GRID2: variants seen among roughly 807,000 people sequenced by gnomAD.
GRID2 encodes the protein glutamate ionotropic receptor delta type subunit 2, also known as glutamate receptor ionotropic, delta-2.
Under a neutral mutation model 114.8 loss-of-function variants are expected in GRID2, and 33 were observed. The ratio of observed to expected loss-of-function variants is 0.29; its 90% confidence interval spans 0.22 to 0.38. The LOEUF (loss-of-function observed/expected upper bound fraction) is 0.38, where lower values mean the gene tolerates loss of function less well. Ranked by LOEUF, GRID2 falls within the 10% of genes least tolerant of loss-of-function variation. GRID2 has a pLI of 1.00. For synonymous variants in GRID2, 505 were observed against 449.9 expected (o/e 1.12, Z -1.55); for missense variants, 1,184 against 1,257.7 (o/e 0.94, Z 0.89).
intron 14 of GRID2, among the ~76,000 whole-genome samples, chr4:93,698,293 A>T (rs943118952): frequency 2.0e-5 from 3 of 152,094 alleles, no homozygotes; most frequent in African/African-American, 7.2e-5. Flanking sequence ...GCTAACAAGC[A>T]TGTACAAGTT....
chr4:92,600,329 A>T (rs1729167010), intron 2 of GRID2, among the ~76,000 whole-genome samples: 1 of 151,724 alleles, frequency 6.6e-6, no homozygotes, highest in Non-Finnish European at 1.5e-5. Context: ...GGGTAACTAG[A>T]GGATTAAAAA....
chr4:93,528,776 C>T (rs1731172516), intron 13 of GRID2, among the ~76,000 whole-genome samples: 1 of 152,102 alleles, frequency 6.6e-6, no homozygotes, highest in South Asian at 2.1e-4. Context: ...ATGTATAGTT[C>T]AACAGAACAA....
intron 2 of GRID2, among the ~76,000 whole-genome samples, chr4:93,036,302 A>G (rs1378502119): frequency 6.6e-6 from 1 of 152,122 alleles, no homozygotes; most frequent in Non-Finnish European, 1.5e-5. Context: ...TCCAACTTAT[A>G]TAGTATTAAA....
intron 8 of GRID2, among the ~76,000 whole-genome samples, chr4:93,316,000 T>C (rs1756543826): frequency 1.3e-5 from 2 of 152,078 alleles, no homozygotes; most frequent in African/African-American, 4.8e-5. Flanking sequence ...ACTAAGAATG[T>C]AGTTTTTGAT....
In GRID2 at chr4:93,701,236, T is replaced by TC. The variant is rs537572220; in HGVS notation, c.2361-67974_2361-67973insC. On this transcript the variant is annotated intron_variant, in intron 14 of 15. Transcript: ENST00000282020. The stretch of plus-strand genomic sequence containing the variant: ...TACAGGAAAATTGGAAAAGGAATGA[T>TC]TTCAAATCAAGAACTTTATTTCTAA... Among the ~76,000 whole-genome samples the TC allele has an allele frequency of 3.2e-3, 485 of 152,290 alleles. 3 individuals carry two copies. Among genetic ancestry groups the TC allele is most frequent in the Non-Finnish European group, 4.3e-3 (290 of 68,012 alleles).
At chr4:92,650,184 G>A (rs560339986) in intron 2 of GRID2, among the ~76,000 whole-genome samples, 2 of 152,068 alleles carry the variant, frequency 1.3e-5, no homozygotes, top group African/African-American at 4.8e-5. Context: ...AAAATAAGGA[G>A]GAAATATTCA....
At chr4:92,305,710 G>A (rs935114677) in intron 1 of GRID2, among the ~76,000 whole-genome samples, 2 of 152,124 alleles carry the variant, frequency 1.3e-5, no homozygotes, top group African/African-American at 4.8e-5. Context: ...CGGGCGGGGG[G>A]CTGCGCGTCA....
At chr4:93,726,655 T>G (rs951468446) in intron 14 of GRID2, among the ~76,000 whole-genome samples, 2 of 152,190 alleles carry the variant, frequency 1.3e-5, no homozygotes, top group African/African-American at 2.4e-5. Flanking sequence ...TCCTCTTTTA[T>G]CTCATTGAGC....
chr4:93,178,410 T>TTTC (rs1491139901), intron 4 of GRID2, among the ~76,000 whole-genome samples: 1 of 135,118 alleles, frequency 7.4e-6, no homozygotes, highest in African/African-American at 3.2e-5. Context: ...TTTTTTTTTT[T>TTTC]CCAGAGAGAG....
chr4:92,905,636 AT>A (rs1297155420), intron 2 of GRID2, among the ~76,000 whole-genome samples: 2 of 148,116 alleles, frequency 1.4e-5, no homozygotes, highest in African/African-American at 5.1e-5. Flanking sequence ...GAGGAAATTA[AT>A]TTTTTAATTG....
At chr4:93,604,611 A>C (rs1288124312) in intron 13 of GRID2, among the ~76,000 whole-genome samples, 1 of 152,220 alleles carries the variant, frequency 6.6e-6, no homozygotes, top group African/African-American at 2.4e-5. Context: ...TAAAAGCATC[A>C]CATGCCACAG....
intron 1 of GRID2, among the ~76,000 whole-genome samples, chr4:93,800,330 C>T (rs1157026571): frequency 1.3e-5 from 2 of 152,196 alleles, no homozygotes; most frequent in Non-Finnish European, 2.9e-5. Context: ...TGATATGACC[C>T]TTTCTGGGCA....
intron 2 of GRID2, among the ~76,000 whole-genome samples, chr4:92,916,986 A>C (rs78973492): frequency 0.028 from 4,205 of 152,216 alleles, 86 homozygotes; most frequent in Non-Finnish European, 0.041. Context: ...CCAACAGTGT[A>C]AAAGTGTTCC....
At chr4:93,020,453 A>G (rs549042223) in intron 2 of GRID2, among the ~76,000 whole-genome samples, 10 of 152,342 alleles carry the variant, frequency 6.6e-5, no homozygotes, top group Admixed American at 5.9e-4. Context: ...AAAAGTTCAC[A>G]TACATATGCC....
intron 4 of GRID2, among the ~76,000 whole-genome samples, chr4:93,150,195 G>T (rs1560929933): frequency 6.6e-6 from 1 of 152,110 alleles, no homozygotes; most frequent in Non-Finnish European, 1.5e-5. Context: ...GAGTCTAGTT[G>T]TACATATTTA....
intron 2 of GRID2, among the ~76,000 whole-genome samples, chr4:92,855,663 A>G (rs1372322814): frequency 2.6e-5 from 4 of 152,012 alleles, no homozygotes; most frequent in Admixed American, 2.6e-4. Context: ...ATAAGTTAAT[A>G]TAAATAGAAA....
intron 13 of GRID2, among the ~76,000 whole-genome samples, chr4:93,616,226 C>G (rs187209809): frequency 6.1e-4 from 93 of 152,190 alleles, no homozygotes; most frequent in Non-Finnish European, 1.1e-3. Flanking sequence ...CAGGTAAGAT[C>G]TTTTAATTTT....
chr4:93,398,123 A>ATGTGTG lies in GRID2; in HGVS notation c.1347+2421_1347+2426dup, dbSNP rs151125359. ...TCCAGAAGTTGAAATACATACATGT[A>ATGTGTG]TGTGTGTGTGTATATATATATATAT... On this transcript the variant is annotated intron_variant, in intron 9 of 15. Transcript: ENST00000282020. Among the ~76,000 whole-genome samples, 20 of 131,600 alleles carry ATGTGTG rather than the reference A, an allele frequency of 1.5e-4. 3 individuals carry two copies. Among genetic ancestry groups the ATGTGTG allele is most frequent in the African/African-American group, 6.1e-4 (19 of 31,156 alleles). 86.3% of individuals were successfully genotyped at this position (131,600 alleles called of 152,430 possible).
chr4:92,704,746 CCTCCCTCT>C (rs968752438), intron 2 of GRID2, among the ~76,000 whole-genome samples: 1 of 79,958 alleles, frequency 1.3e-5, no homozygotes, highest in Non-Finnish European at 2.5e-5. Flanking sequence ...TCTCTCTCTC[CCTCCCTCT>C]CTCCCTCTCT....
Sources: allele counts gnomAD v4.1 joint callset (sites outside exome capture counted in the v4.1 genomes callset), GRCh38; gene constraint gnomAD v4.1.1; transcripts MANE v1.5; gene names NCBI Gene and HGNC (gene_info 2026-07-23, HGNC 2026-07-21).